Variants in SUCLG1 observed in about 807,000 individuals in gnomAD.
SUCLG1 encodes the protein succinate-CoA ligase GDP/ADP-forming subunit alpha.
A neutral mutation model predicts 37.3 loss-of-function variants in SUCLG1; 26 were observed. The ratio of observed to expected loss-of-function variants is 0.70; its 90% CI spans 0.51 to 0.97. The LOEUF (loss-of-function observed/expected upper bound fraction) is 0.97. Ranked by LOEUF, SUCLG1 falls within the 50% of genes least tolerant of loss-of-function variation. The pLI is 0.00. For synonymous variants in SUCLG1, 163 were observed against 155.6 expected (o/e 1.05, Z -0.36); for missense variants, 433 against 432.9 (o/e 1.00, Z 0.00).
intron 2 of SUCLG1, among the ~76,000 whole-genome samples, chr2:84,445,193 G>C (rs1205201213): frequency 6.6e-6 from 1 of 152,158 alleles, no homozygotes; most frequent in Non-Finnish European, 1.5e-5. Context: ...AAAGACAGGC[G>C]TAAGAAATTA....
At position 84,441,473 on chromosome 2, in the gene SUCLG1, G is replaced by C. The variant is rs772571590; in HGVS notation, c.319-14C>G. On this transcript the variant is annotated splice_polypyrimidine_tract_variant and intron_variant, in intron 3 of 8. Coordinates refer to ENST00000393868, the MANE Select transcript of SUCLG1 (RefSeq NM_003849.4). Reference sequence around the variant, plus strand: ...CTGTTCTTTGGCCTGAAACATTAACGACGAAGCACCTTATTATTTGTTAAA... The same window carrying C: ...CTGTTCTTTGGCCTGAAACATTAACCACGAAGCACCTTATTATTTGTTAAA... 3.7e-6 allele frequency: 6 copies of C among 1,612,194 alleles called. No individual in the cohort carries two copies. Among genetic ancestry groups the C allele is most frequent in the Non-Finnish European group, 5.1e-6 (6 of 1,178,694 alleles).
intron 5 of SUCLG1, among the ~76,000 whole-genome samples, chr2:84,437,058 A>G (rs1672698078): frequency 6.6e-6 from 1 of 152,200 alleles, no homozygotes; most frequent in Admixed American, 6.5e-5. Flanking sequence ...CGTATGTCTC[A>G]TTTATCACTT....
chr2:84,441,512 A>T lies in SUCLG1; in HGVS notation c.319-53T>A. The T allele has an allele frequency of 2.6e-6, 4 of 1,552,622 alleles. No homozygotes were observed. The South Asian group carries it at 4.6e-5, about 18-fold the overall frequency. On this transcript the variant is annotated intron_variant, in intron 3 of 8. Transcript: ENST00000393868. ...TTATTTGTTAAATCATAAACATTGTAAAATAAATTCAATACCATCATTTTA... is the reference window on the plus strand; with the variant it reads ...TTATTTGTTAAATCATAAACATTGTTAAATAAATTCAATACCATCATTTTA...
chr2:84,442,166 TAA>T (rs11310460), intron 3 of SUCLG1, among the ~76,000 whole-genome samples: 2,136 of 140,862 alleles, frequency 0.015, 32 homozygotes, highest in East Asian at 0.067. Flanking sequence ...GAACTTTCTT[TAA>T]AAAAAAAAAA....
chr2:84,439,082 G>A (rs984937984), intron 5 of SUCLG1, among the ~76,000 whole-genome samples: 2 of 151,850 alleles, frequency 1.3e-5, no homozygotes, highest in African/African-American at 4.8e-5. Flanking sequence ...TTTAAGAGCT[G>A]TAACACTCAC....
intron 5 of SUCLG1, among the ~76,000 whole-genome samples, chr2:84,435,475 G>C (rs144429157): frequency 6.6e-6 from 1 of 152,176 alleles, no homozygotes; most frequent in Non-Finnish European, 1.5e-5. Context: ...CATAAGACAC[G>C]TAAGAATGTT....
intron 8 of SUCLG1, 116 bp downstream of exon 8, chr2:84,425,299 C>T: frequency 1.6e-6 from 2 of 1,219,310 alleles, no homozygotes; most frequent in South Asian, 1.3e-5. Context: ...TTAAGCTGCA[C>T]ATCAGAAAAC....
At chr2:84,450,888 GC>G (rs1397338759) in intron 1 of SUCLG1, among the ~76,000 whole-genome samples, 1 of 152,274 alleles carries the variant, frequency 6.6e-6, no homozygotes, top group African/African-American at 2.4e-5. Context: ...CCCAGATTTA[GC>G]CCTTACCACC....
chr2:84,442,741 T>C (rs534776573), intron 3 of SUCLG1, among the ~76,000 whole-genome samples: 32 of 152,252 alleles, frequency 2.1e-4, no homozygotes, highest in Non-Finnish European at 3.4e-4. Context: ...CTGTGATTTG[T>C]AAATCTGACT....
rs369617521 is a variant in SUCLG1, at chr2:84,423,708, G to A, written c.*38C>T. 56 of 1,581,138 alleles carry A rather than the reference G, an allele frequency of 3.5e-5. No individual in the cohort carries two copies. In the African/African-American group the frequency reaches 3.6e-4, roughly 10 times the overall value. On this transcript the variant is annotated 3_prime_UTR_variant, in exon 9 of 9. Transcript: ENST00000393868. ...AACTGCTGCTGGGTTACATGTCTAC[G>A]TGATCCATTCCACAGTTTTAGGAAT...
chr2:84,427,019 C>A (rs1419482112), intron 7 of SUCLG1: 1 of 153,680 alleles, frequency 6.5e-6, no homozygotes, highest in African/African-American at 2.4e-5. Context: ...TTAAAAATAA[C>A]ATTTTAACAC....
intron 6 of SUCLG1, chr2:84,432,506 A>G (rs566070988): frequency 1.3e-5 from 2 of 152,308 alleles, no homozygotes; most frequent in Admixed American, 6.5e-5. Context: ...TACAAATTCA[A>G]AACTGAAGCT....
chr2:84,459,197 G>A lies in SUCLG1; in HGVS notation c.73C>T (p.Arg25Cys), dbSNP rs3211087. ...VSGSSGLAAA[R>C]LLSRSFLLPQ... ...CGGAGGAAGCTGCGCGACAGGAGACGGGCGGCGGCGAGGCCGCTGCTGCCG... is the reference window on the plus strand; with the variant it reads ...CGGAGGAAGCTGCGCGACAGGAGACAGGCGGCGGCGAGGCCGCTGCTGCCG... Residue 25 changes from arginine (R) to cysteine (C), a missense_variant, in exon 1 of 9, where the codon CGT (arginine) becomes TGT (cysteine). Arg to Cys is a radical substitution (Grantham distance 180). Coordinates refer to ENST00000393868, the MANE Select transcript of SUCLG1 (RefSeq NM_003849.4). The A allele has an allele frequency of 3.9e-6, 6 of 1,549,906 alleles. No homozygotes were observed. The East Asian group carries it at 7.3e-5, about 19-fold the overall frequency.
At position 84,443,233 on chromosome 2, in the gene SUCLG1, C is replaced by T. The variant is rs751470661; in HGVS notation, c.318+51G>A. The T allele has an allele frequency of 5.5e-5, 82 of 1,482,358 alleles. No individual in the cohort carries two copies. The Admixed American group carries it at 9.2e-4, about 17-fold the overall frequency. The allele number at this position is 1,482,358 out of a possible 1,614,324, so 91.8% of individuals were successfully genotyped here. On this transcript the variant is annotated intron_variant, in intron 3 of 8. Transcript: ENST00000393868. The stretch of plus-strand genomic sequence containing the variant: ...TTAAGATCTCTACCCAAAGAATGCT[C>T]GCTCTTCCCTTGCTTTTCTTGTCTT...
chr2:84,431,345 T>C (rs1269556804), intron 7 of SUCLG1, among the ~76,000 whole-genome samples, 163 bp downstream of exon 7: 1 of 152,132 alleles, frequency 6.6e-6, no homozygotes, highest in Non-Finnish European at 1.5e-5. Flanking sequence ...AACCCAGAAA[T>C]AATACAGAAT....
intron 1 of SUCLG1, among the ~76,000 whole-genome samples, chr2:84,458,762 CTCT>C (rs1188026323): frequency 6.6e-6 from 1 of 152,130 alleles, no homozygotes; most frequent in Non-Finnish European, 1.5e-5. Context: ...TACTGAGACA[CTCT>C]TCCTCTACCT....
intron 7 of SUCLG1, among the ~76,000 whole-genome samples, chr2:84,429,716 T>G (rs1471864277): frequency 6.6e-6 from 1 of 152,160 alleles, no homozygotes; most frequent in Non-Finnish European, 1.5e-5. Flanking sequence ...TTAGCTGACA[T>G]GTAATGGGAA....
chr2:84,441,296 C>A lies in SUCLG1; in HGVS notation c.482G>T (p.Arg161Leu), dbSNP rs146551543. 4 of 1,614,018 alleles carry A rather than the reference C, an allele frequency of 2.5e-6. No homozygotes were observed. Among genetic ancestry groups the A allele is most frequent in the Non-Finnish European group, 2.5e-6 (3 of 1,180,010 alleles). The change falls in exon 4 of 9, where the codon CGC (arginine) becomes CTC (leucine). Residue 161 changes from arginine to leucine, a missense_variant. Coordinates refer to ENST00000393868, the MANE Select transcript of SUCLG1 (RefSeq NM_003849.4). Reference protein sequence around the residue: ...DMVRVKHKLLRQEKTRLIGPN... With the variant: ...DMVRVKHKLLLQEKTRLIGPN... ...CCCAATTAGCCTTGTCTTTTCCTGGCGCAGCAGTTTGTGCTTGACTCGTAC... is the reference window on the plus strand; with the variant it reads ...CCCAATTAGCCTTGTCTTTTCCTGGAGCAGCAGTTTGTGCTTGACTCGTAC...
chr2:84,430,855 C>T (rs931322803), intron 7 of SUCLG1, among the ~76,000 whole-genome samples: 3 of 152,172 alleles, frequency 2.0e-5, no homozygotes, highest in Non-Finnish European at 2.9e-5. Flanking sequence ...GTGGCCACCA[C>T]ACTGCTTCAG....
Sources: gnomAD v4.1 joint callset for allele counts (sites outside exome capture counted in the v4.1 genomes callset) on GRCh38, gnomAD v4.1.1 for gene constraint, MANE v1.5 for transcripts, NCBI Gene and HGNC (gene_info 2026-07-23, HGNC 2026-07-21) for gene names.